BEND4: variants seen among roughly 807,000 people sequenced by gnomAD.
The protein encoded by BEND4 is BEN domain-containing protein 4.
BEND4 carries 27 observed loss-of-function variants against 54.7 expected under a neutral mutation model. The ratio of observed to expected loss-of-function variants is 0.49; its 90% CI spans 0.36 to 0.68. The LOEUF (loss-of-function observed/expected upper bound fraction) is 0.68. Ranked by LOEUF, BEND4 falls within the 30% of genes least tolerant of loss-of-function variation. The probability of loss-of-function intolerance (pLI) is 0.00; values close to 1 mark genes in which losing one functional copy is unlikely to be tolerated. For synonymous variants in BEND4, 327 were observed against 299.5 expected (o/e 1.09, Z -0.95); for missense variants, 702 against 697.2 (o/e 1.01, Z -0.08).
At chr4:42,133,386 A>G (rs1419073208) in intron 3 of BEND4, among the ~76,000 whole-genome samples, 1 of 152,224 alleles carries the variant, frequency 6.6e-6, no homozygotes, top group Non-Finnish European at 1.5e-5. Context: ...TCTTTAAGAC[A>G]TTCTATGGTA....
rs1719593965 is a variant in BEND4 at position 42,112,076 on chromosome 4, C to A, written c.*5442G>T. 6.6e-6 allele frequency: 1 copy of A among 152,126 alleles called. No individual in the cohort carries two copies. 9.4% of individuals were successfully genotyped at this position (152,126 alleles called of 1,614,324 possible). A position where few individuals can be genotyped will look rare whatever the true frequency, so the allele number is the denominator to read the frequency against. On this transcript the variant is annotated 3_prime_UTR_variant, in exon 6 of 6. Coordinates refer to ENST00000502486, the MANE Select transcript of BEND4 (RefSeq NM_207406.4). ...AGCAATACACAAATATCAACTCTCC[C>A]TTGATGGCATAAATAAAACAACAAA... is the stretch of plus-strand genomic sequence containing the variant.
Position 42,117,753 on chromosome 4 carries a change from A to G in BEND4, c.1388-18T>C. On this transcript the variant is annotated intron_variant, in intron 5 of 5. Transcript: ENST00000502486. ...AATGAATTCTGCAGGAATATATACA[A>G]CATCAAAAAGAGAGAGAGAAAAAAA... The G allele has an allele frequency of 6.6e-7, 1 of 1,525,520 alleles. No homozygotes were observed. Among genetic ancestry groups the G allele is most frequent in the Non-Finnish European group, 8.9e-7 (1 of 1,120,298 alleles). 94.5% of individuals were successfully genotyped at this position (1,525,520 alleles called of 1,614,324 possible).
At position 42,143,588 on chromosome 4, in the gene BEND4, C is replaced by G; in HGVS notation, c.894G>C (p.Thr298=). 1 of 1,586,692 alleles carries G rather than the reference C, an allele frequency of 6.3e-7. No homozygotes were observed. The highest frequency in any genetic ancestry group is 1.1e-5 in the South Asian group (1 of 87,146). Residue 298 remains threonine (T), a synonymous_variant, in exon 3 of 6, where the codon ACG becomes ACC. Transcript: ENST00000502486. The part of the protein sequence containing the change: ...HTLGGWTSPA[T]SESHGHPSSS... ...AAGATGGGTGGCCATGGGATTCGGA[C>G]GTTGCTGGGGAAGTCCAGCCACCTA...
In BEND4 at chr4:42,120,167, G is replaced by C; in HGVS notation, c.1274C>G (p.Thr425Ser). The C allele has an allele frequency of 6.2e-7, 1 of 1,613,972 alleles. No homozygotes were observed. Among genetic ancestry groups the C allele is most frequent in the Non-Finnish European group, 8.5e-7 (1 of 1,179,880 alleles). Residue 425 changes from threonine to serine, a missense_variant, in exon 5 of 6, where the codon ACC (threonine) becomes AGC (serine). Transcript: ENST00000502486. ...GCCGCATGAGTACTTAAGCTCATCG[G>C]TTGTGAAAACAAATCTGATGAGGTA... The part of the protein sequence containing the change: ...LRYLIRFVFT[T>S]DELKYSCGLG...
chr4:42,118,942 G>A (rs977849178), intron 5 of BEND4, among the ~76,000 whole-genome samples: 2 of 152,194 alleles, frequency 1.3e-5, no homozygotes, highest in Non-Finnish European at 2.9e-5. Context: ...AGTAAATACA[G>A]GCATTTTCGT....
intron 3 of BEND4, among the ~76,000 whole-genome samples, chr4:42,141,234 C>T (rs558732649): frequency 2.0e-5 from 3 of 152,346 alleles, no homozygotes; most frequent in South Asian, 4.1e-4. Context: ...TTCCTCCCCT[C>T]CACAGGACAA....
At position 42,120,274 on chromosome 4, in the gene BEND4, G is replaced by T. The variant is rs765975440; in HGVS notation, c.1167C>A (p.Asn389Lys). Reference protein sequence around the residue: ...QPTEGSKQLLNNYPVYITSKQ... With the variant: ...QPTEGSKQLLKNYPVYITSKQ... ...TGCTCGTTATGTAGACAGGATAGTT[G>T]TTCAACAGCTGCTTGCTTCCCTGGA... Residue 389 changes from asparagine (N) to lysine (K), a missense_variant, in exon 5 of 6, where the codon AAC becomes AAA. Coordinates refer to ENST00000502486, the MANE Select transcript of BEND4 (RefSeq NM_207406.4). 56 of 1,597,514 alleles carry T rather than the reference G, an allele frequency of 3.5e-5. No homozygotes were observed. Among genetic ancestry groups the T allele is most frequent in the Non-Finnish European group, 2.6e-6 (3 of 1,166,114 alleles).
intron 4 of BEND4, among the ~76,000 whole-genome samples, chr4:42,123,189 T>C (rs1351558993): frequency 2.0e-5 from 3 of 152,200 alleles, no homozygotes; most frequent in African/African-American, 7.2e-5. Context: ...TGTTTTAGCA[T>C]AGTTAATAAG....
At chr4:42,124,257 G>A (rs142670467) in intron 4 of BEND4, among the ~76,000 whole-genome samples, 1 of 152,204 alleles carries the variant, frequency 6.6e-6, no homozygotes, top group Non-Finnish European at 1.5e-5. Context: ...CGGGGCTGAG[G>A]TGGGAGGATC....
chr4:42,143,414 A>G lies in BEND4; in HGVS notation c.1054+14T>C. 1 of 1,546,414 alleles carries G rather than the reference A, an allele frequency of 6.5e-7. No individual in the cohort carries two copies. The highest frequency in any genetic ancestry group is 8.8e-7 in the Non-Finnish European group (1 of 1,142,168). On this transcript the variant is annotated intron_variant, in intron 3 of 5. Transcript: ENST00000502486. ...AAGGGTTGCAGTTGTCTTGCAAGGAATATGGCAGGATACCTGGGATGCTCT... is the reference window on the plus strand; with the variant it reads ...AAGGGTTGCAGTTGTCTTGCAAGGAGTATGGCAGGATACCTGGGATGCTCT...
chr4:42,135,946 C>CT lies in BEND4; in HGVS notation c.1054+7481dup, dbSNP rs1720682819. Among the ~76,000 whole-genome samples the CT allele has an allele frequency of 2.6e-5, 4 of 152,230 alleles. No homozygotes were observed. In the South Asian group the frequency reaches 8.3e-4, roughly 32 times the overall value. On this transcript the variant is annotated intron_variant, in intron 3 of 5. Transcript: ENST00000502486. ...ACGGCTTTGACTCCGAATCCATTCT[C>CT]TTTACCTTCTGTTGCTCTGTCTCCC... is the stretch of plus-strand genomic sequence containing the variant.
intron 4 of BEND4, among the ~76,000 whole-genome samples, chr4:42,123,694 G>GGAAAAAA (rs1553921967): frequency 2.0e-5 from 1 of 50,808 alleles, no homozygotes; most frequent in African/African-American, 7.5e-5. Context: ...CTGTAATTCA[G>GGAAAAAA]AAAAAAAAAA....
intron 2 of BEND4, 59 bp downstream of exon 2, chr4:42,151,598 G>A: frequency 7.1e-7 from 1 of 1,409,254 alleles, no homozygotes; most frequent in Non-Finnish European, 9.2e-7. Flanking sequence ...CTCCTTCCTG[G>A]GTCCCCTCCC....
At chr4:42,135,563 G>C (rs1720668732) in intron 3 of BEND4, among the ~76,000 whole-genome samples, 1 of 152,038 alleles carries the variant, frequency 6.6e-6, no homozygotes. Context: ...ATGAGGTCAG[G>C]AGATCGAGAC....
At chr4:42,131,329 A>G (rs1309219261) in intron 3 of BEND4, among the ~76,000 whole-genome samples, 8 of 152,368 alleles carry the variant, frequency 5.3e-5, no homozygotes, top group Admixed American at 5.2e-4. Flanking sequence ...TTATATGCAT[A>G]GAAAAGAGAT....
In BEND4 at chr4:42,151,817, G is replaced by C; in HGVS notation, c.327C>G (p.Ser109=). 4.9e-6 allele frequency: 7 copies of C among 1,426,644 alleles called. No homozygotes were observed. The highest frequency in any genetic ancestry group is 4.5e-6 in the Non-Finnish European group (5 of 1,101,552). 88.4% of individuals were successfully genotyped at this position (1,426,644 alleles called of 1,614,324 possible). A position where few individuals can be genotyped will look rare whatever the true frequency, so the allele number is the denominator to read the frequency against. ...SSSPSCTPAT[S]QGHLRTPAQP... The stretch of plus-strand genomic sequence containing the variant: ...GCGCCGGAGTCCTCAAGTGGCCCTG[G>C]GATGTGGCGGGCGTGCAGGACGGCG... Residue 109 remains serine, a synonymous_variant, in exon 2 of 6, where the codon TCC becomes TCG. Coordinates refer to ENST00000502486, the MANE Select transcript of BEND4 (RefSeq NM_207406.4).
chr4:42,119,324 G>A (rs920990599), intron 5 of BEND4, among the ~76,000 whole-genome samples: 3 of 151,880 alleles, frequency 2.0e-5, no homozygotes, highest in African/African-American at 7.3e-5. Context: ...GGTTAATATT[G>A]AGCTTTTTGA....
Position 42,152,091 on chromosome 4 carries a change from T to G in BEND4, c.53A>C (p.Tyr18Ser), listed in dbSNP as rs1721322514. Residue 18 changes from tyrosine to serine, a missense_variant, in exon 2 of 6, where the codon TAC becomes TCC. Physicochemically the swap from Tyr to Ser is moderately radical, Grantham distance 144. Transcript: ENST00000502486. ...AEEGPSVPKI[Y>S]KQRSPYSVLK... ...GACGCTGTAGGGGCTGCGCTGCTTG[T>G]AGATTTTGGGGACGCTGGGCCCCTC... 8.0e-6 allele frequency: 10 copies of G among 1,249,258 alleles called. No individual in the cohort carries two copies. In the East Asian group the frequency reaches 3.2e-4, roughly 39 times the overall value. 77.4% of individuals were successfully genotyped at this position (1,249,258 alleles called of 1,614,324 possible). A position where few individuals can be genotyped will look rare whatever the true frequency, so the allele number is the denominator to read the frequency against.
At chr4:42,118,043 G>T (rs150435705) in intron 5 of BEND4, among the ~76,000 whole-genome samples, 15 of 152,288 alleles carry the variant, frequency 9.8e-5, no homozygotes, top group African/African-American at 2.9e-4. Flanking sequence ...CATGTCTGGT[G>T]TAAGTCAAGG....
Sources: gnomAD v4.1 joint callset for allele counts (sites outside exome capture counted in the v4.1 genomes callset) on GRCh38, gnomAD v4.1.1 for gene constraint, MANE v1.5 for transcripts, NCBI Gene and HGNC (gene_info 2026-07-23, HGNC 2026-07-21) for gene names.